SYNPR: variants seen among roughly 807,000 people sequenced by gnomAD.
SYNPR encodes the protein synaptoporin.
SYNPR carries 23 observed loss-of-function variants against 32.9 expected under a neutral mutation model. The ratio of observed to expected loss-of-function variants is 0.70; its 90% CI spans 0.50 to 0.99. The LOEUF (loss-of-function observed/expected upper bound fraction) is 0.99, where lower values mean the gene tolerates loss of function less well. Among genes scored for constraint, SYNPR ranks in the 50% least tolerant of loss-of-function variants. SYNPR has a pLI of 0.00. For missense variants in SYNPR, 318 were observed against 349.3 expected (o/e 0.91, Z 0.71); for synonymous variants, 146 against 135.9 (o/e 1.07, Z -0.52).
intron 4 of SYNPR, among the ~76,000 whole-genome samples, chr3:63,575,090 C>T (rs952133337): frequency 1.1e-4 from 16 of 151,960 alleles, no homozygotes; most frequent in Non-Finnish European, 2.2e-4. Flanking sequence ...CCTAAGCACC[C>T]GCATTGAAGC....
chr3:63,345,996 G>C (rs1000265405), intron 2 of SYNPR, among the ~76,000 whole-genome samples: 5 of 151,978 alleles, frequency 3.3e-5, no homozygotes, highest in African/African-American at 1.2e-4. Flanking sequence ...TGTATTTTTA[G>C]TGGAGTTGGG....
chr3:63,299,238 G>A (rs2086819688), intron 2 of SYNPR, among the ~76,000 whole-genome samples: 1 of 152,142 alleles, frequency 6.6e-6, no homozygotes, highest in South Asian at 2.1e-4. Flanking sequence ...GGGATAGGGA[G>A]AGGGAGAGAA....
upstream of SYNPR, among the ~76,000 whole-genome samples, chr3:63,227,447 A>G (rs2086136543): frequency 6.6e-6 from 1 of 152,246 alleles, no homozygotes; most frequent in South Asian, 2.1e-4. Flanking sequence ...ATATTACAGA[A>G]GATTACTGTT....
intron 2 of SYNPR, among the ~76,000 whole-genome samples, chr3:63,333,433 T>C (rs908790732): frequency 3.3e-5 from 5 of 152,144 alleles, no homozygotes; most frequent in Admixed American, 6.5e-5. Flanking sequence ...TCTTTCTGTT[T>C]TGAAACAGAC....
chr3:63,231,966 T>C (rs1021327524), intron 1 of SYNPR, among the ~76,000 whole-genome samples: 9 of 152,178 alleles, frequency 5.9e-5, no homozygotes. Context: ...GTTTTGTCCT[T>C]ACTTGAGAAG....
chr3:63,364,235 G>C (rs1282763780), intron 2 of SYNPR, among the ~76,000 whole-genome samples: 1 of 152,130 alleles, frequency 6.6e-6, no homozygotes, highest in Non-Finnish European at 1.5e-5. Flanking sequence ...ATCTTATTCT[G>C]AATAAATTTC....
At chr3:63,397,313 C>T (rs1360425142) in intron 2 of SYNPR, among the ~76,000 whole-genome samples, 1 of 152,106 alleles carries the variant, frequency 6.6e-6, no homozygotes, top group Admixed American at 6.6e-5. Flanking sequence ...TTGATTTAAA[C>T]TGGTAGTTTT....
At chr3:63,408,851 G>A (rs1279377146) in intron 2 of SYNPR, among the ~76,000 whole-genome samples, 1 of 152,158 alleles carries the variant, frequency 6.6e-6, no homozygotes, top group African/African-American at 2.4e-5. Context: ...CGGCTATCTG[G>A]GAATCCATTA....
At chr3:63,442,532 C>G (rs1046063311) in intron 2 of SYNPR, among the ~76,000 whole-genome samples, 1 of 152,182 alleles carries the variant, frequency 6.6e-6, no homozygotes, top group African/African-American at 2.4e-5. Context: ...GCCCCCAACA[C>G]ACATTGCCTC....
intron 2 of SYNPR, among the ~76,000 whole-genome samples, chr3:63,466,465 T>C (rs560944794): frequency 6.6e-6 from 1 of 152,086 alleles, no homozygotes; most frequent in Admixed American, 6.6e-5. Context: ...TTTTTTTTTT[T>C]CTTTTTGCTA....
At chr3:63,289,831 A>G (rs190605404) in intron 2 of SYNPR, among the ~76,000 whole-genome samples, 1 of 152,280 alleles carries the variant, frequency 6.6e-6, no homozygotes, top group African/African-American at 2.4e-5. Flanking sequence ...TCAAAAGACT[A>G]ATAAAAAACT....
In SYNPR at chr3:63,232,120, TAGAA is replaced by T. The variant is rs147857744; in HGVS notation, n.66+3744_66+3747del. 6.7e-3 allele frequency among the ~76,000 whole-genome samples: 1,014 copies of T among 151,232 alleles called. 14 individuals carry two copies. The highest frequency in any genetic ancestry group is 0.022 in the African/African-American group (917 of 41,306). On this transcript the variant is annotated intron_variant and non_coding_transcript_variant, in intron 1 of 4. Coordinates refer to the SYNPR transcript ENST00000478456. ...CATCTGCAGGAGGATATATGGGATT[TAGAA>T]AGATGTTAAATAGAGTTACTTCATA... is the stretch of plus-strand genomic sequence containing the variant.
At chr3:63,539,403 C>CA (rs1379376583) in intron 3 of SYNPR, among the ~76,000 whole-genome samples, 31 of 152,066 alleles carry the variant, frequency 2.0e-4, no homozygotes, top group Admixed American at 2.6e-4. Context: ...AACAGGAATG[C>CA]AAATAGAAAA....
intron 2 of SYNPR, among the ~76,000 whole-genome samples, chr3:63,358,293 A>T (rs2087611098): frequency 6.6e-6 from 1 of 152,136 alleles, no homozygotes; most frequent in Non-Finnish European, 1.5e-5. Context: ...CCTTTTGGAG[A>T]CTCTAAGGGA....
At chr3:63,220,241 C>CAGAA in the SYNPR span, among the ~76,000 whole-genome samples, 1 of 152,056 alleles carries the variant, frequency 6.6e-6, no homozygotes, top group Non-Finnish European at 1.5e-5. Flanking sequence ...AATTTATGGT[C>CAGAA]AGAAAGAAAG....
chr3:63,330,619 T>G (rs1260722350), intron 2 of SYNPR, among the ~76,000 whole-genome samples: 2 of 152,182 alleles, frequency 1.3e-5, no homozygotes, highest in African/African-American at 4.8e-5. Context: ...GAGGAGATGA[T>G]AAACACTTAT....
chr3:63,527,293 T>G (rs953645993), intron 3 of SYNPR, among the ~76,000 whole-genome samples: 3 of 152,156 alleles, frequency 2.0e-5, no homozygotes, highest in Non-Finnish European at 4.4e-5. Context: ...GCATTTCTGA[T>G]GATAGTGTCC....
chr3:63,611,620 TTC>T (rs1397197343), intron 5 of SYNPR, among the ~76,000 whole-genome samples: 2 of 152,212 alleles, frequency 1.3e-5, no homozygotes, highest in Non-Finnish European at 2.9e-5. Context: ...CTCTCTTTCT[TTC>T]TGTGTCCCTG....
intron 2 of SYNPR, among the ~76,000 whole-genome samples, chr3:63,264,692 G>C (rs1575580112): frequency 6.6e-6 from 1 of 152,178 alleles, no homozygotes; most frequent in Non-Finnish European, 1.5e-5. Context: ...CCCAGACTGG[G>C]TAATTTATAA....
Sources: gnomAD v4.1 joint callset for allele counts (sites outside exome capture counted in the v4.1 genomes callset) on GRCh38, gnomAD v4.1.1 for gene constraint, MANE v1.5 for transcripts, NCBI Gene and HGNC (gene_info 2026-07-23, HGNC 2026-07-21) for gene names.